WHRN: variants seen among roughly 807,000 people sequenced by gnomAD.
WHRN encodes the protein whirlin.
WHRN carries 41 observed loss-of-function variants against 68.3 expected under a neutral mutation model. The observed-to-expected ratio is 0.60, with a 90% CI of 0.47 to 0.78. The LOEUF (loss-of-function observed/expected upper bound fraction) is 0.78, where lower values mean the gene tolerates loss of function less well. WHRN is among the 30% of genes least tolerant of loss of function. The pLI, the probability that WHRN is intolerant of heterozygous loss-of-function variation, is 0.00. For synonymous variants in WHRN, 560 were observed against 561.3 expected, an observed-to-expected ratio of 1.00 and a Z score of 0.03; for missense variants, 1,243 against 1,244.7, an observed-to-expected ratio of 1.00 and a Z score of 0.02.
intron 1 of WHRN, chr9:114,503,118 C>G (rs1202779620): frequency 1.0e-6 from 1 of 985,392 alleles, no homozygotes; most frequent in Non-Finnish European, 1.2e-6. Context: ...TGGACACAGG[C>G]CACTGAACGG....
intron 1 of WHRN, among the ~76,000 whole-genome samples, chr9:114,490,251 T>A (rs1179980440): frequency 6.6e-6 from 1 of 152,146 alleles, no homozygotes; most frequent in East Asian, 1.9e-4. Flanking sequence ...TTAAACGCAA[T>A]GACAACATAC....
intron 3 of WHRN, 150 bp downstream of exon 3, chr9:114,466,117 G>C: frequency 8.0e-7 from 1 of 1,251,354 alleles, no homozygotes; most frequent in Non-Finnish European, 1.1e-6. Context: ...GCTGTGAGCT[G>C]TGAATTTAGA....
At chr9:114,466,242 T>C (rs547844373) in intron 3 of WHRN, 25 bp downstream of exon 3, 1 of 1,613,544 alleles carries the variant, frequency 6.2e-7, no homozygotes, top group East Asian at 2.2e-5. Context: ...GCACAGAGTT[T>C]TCCCTCCCTC....
chr9:114,457,914 CAAA>C (rs11292103), intron 3 of WHRN, among the ~76,000 whole-genome samples: 23 of 123,404 alleles, frequency 1.9e-4, no homozygotes, highest in South Asian at 2.6e-4. Flanking sequence ...AGACTCTGTT[CAAA>C]AAAAAAAAAA....
At chr9:114,472,229 T>G (rs7029712) in intron 2 of WHRN, among the ~76,000 whole-genome samples, 1 of 152,154 alleles carries the variant, frequency 6.6e-6, no homozygotes, top group East Asian at 1.9e-4. Flanking sequence ...GAACCTCATA[T>G]GCACCTGGTC....
intron 3 of WHRN, among the ~76,000 whole-genome samples, chr9:114,464,648 A>C (rs1427597220): frequency 6.6e-6 from 1 of 152,208 alleles, no homozygotes; most frequent in Non-Finnish European, 1.5e-5. Flanking sequence ...TGTTTACTAT[A>C]ATAATAAGAA....
intron 3 of WHRN, among the ~76,000 whole-genome samples, chr9:114,456,760 T>C (rs900585861): frequency 2.6e-4 from 39 of 147,368 alleles, no homozygotes; most frequent in African/African-American, 8.3e-4. Flanking sequence ...ACCCGGGAGG[T>C]GGAGGTTGCA....
At chr9:114,444,378 A>G (rs1564161274) in intron 3 of WHRN, among the ~76,000 whole-genome samples, 1 of 152,210 alleles carries the variant, frequency 6.6e-6, no homozygotes. Flanking sequence ...CAAATACTGC[A>G]TGGTATATCC....
intron 1 of WHRN, among the ~76,000 whole-genome samples, chr9:114,480,146 G>T (rs1429683981): frequency 6.6e-6 from 1 of 151,982 alleles, no homozygotes; most frequent in Non-Finnish European, 1.5e-5. Flanking sequence ...CATCTTTATT[G>T]TACATTTCCC....
At chr9:114,415,804 C>G (rs753284101) in intron 7 of WHRN, among the ~76,000 whole-genome samples, 1 of 152,196 alleles carries the variant, frequency 6.6e-6, no homozygotes, top group African/African-American at 2.4e-5. Flanking sequence ...TCTCTTACCC[C>G]GCTCATGGAT....
intron 3 of WHRN, among the ~76,000 whole-genome samples, chr9:114,434,666 C>T (rs898827152): frequency 3.9e-5 from 6 of 152,204 alleles, no homozygotes; most frequent in Non-Finnish European, 7.3e-5. Context: ...TAACTCCACT[C>T]GGATCCCAGC....
At chr9:114,425,455 A>G (rs1054298982) in intron 4 of WHRN, 1 of 431,308 alleles carries the variant, frequency 2.3e-6, no homozygotes, top group Non-Finnish European at 4.1e-6. Context: ...AGGCTGCCAG[A>G]CTTCCTGATT....
intron 1 of WHRN, among the ~76,000 whole-genome samples, chr9:114,488,546 A>C (rs1257187252): frequency 6.6e-6 from 1 of 152,060 alleles, no homozygotes; most frequent in Non-Finnish European, 1.5e-5. Context: ...CCCAAGACAG[A>C]CAGGGGAGGG....
chr9:114,462,232 A>G (rs1235577371), intron 3 of WHRN, among the ~76,000 whole-genome samples: 1 of 152,190 alleles, frequency 6.6e-6, no homozygotes, highest in Middle Eastern at 3.2e-3. Flanking sequence ...AGTCCCACAG[A>G]GCAGGGTGTT....
chr9:114,441,328 T>C (rs1177098944), intron 3 of WHRN, among the ~76,000 whole-genome samples: 4 of 152,202 alleles, frequency 2.6e-5, no homozygotes, highest in Non-Finnish European at 4.4e-5. Context: ...CTCTAAGCCC[T>C]GCATTGTTTA....
chr9:114,421,717 A>C (rs960476891), intron 7 of WHRN, among the ~76,000 whole-genome samples: 1 of 152,246 alleles, frequency 6.6e-6, no homozygotes, highest in Non-Finnish European at 1.5e-5. Context: ...TGCACCCTTA[A>C]ACCAGATCCT....
At chr9:114,479,756 A>C (rs1457828895) in intron 1 of WHRN, among the ~76,000 whole-genome samples, 1 of 152,174 alleles carries the variant, frequency 6.6e-6, no homozygotes, top group Non-Finnish European at 1.5e-5. Context: ...GCCTGCCCAC[A>C]CAGTGAGTAA....
At chr9:114,466,170 C>T (rs1047151744) in intron 3 of WHRN, 97 bp downstream of exon 3, 7 of 1,586,184 alleles carry the variant, frequency 4.4e-6, no homozygotes, top group Non-Finnish European at 6.0e-6. Context: ...GACCAGTCCT[C>T]AAGGTGGAGT....
In WHRN at chr9:114,402,825, C is replaced by T. The variant is rs143464875; in HGVS notation, c.2653G>A (p.Ala885Thr). 79 of 1,613,974 alleles carry T rather than the reference C, an allele frequency of 4.9e-5. No homozygotes were observed. Among genetic ancestry groups the T allele is most frequent in the Non-Finnish European group, 6.0e-5 (71 of 1,180,048 alleles). The change falls in exon 12 of 12, where the codon GCC becomes ACC. Residue 885 changes from alanine (A) to threonine (T), a missense_variant. Coordinates refer to ENST00000362057, the MANE Select transcript of WHRN (RefSeq NM_015404.4). ...KEHREAARIIAEAFKTKDRDY... is the reference protein window; with the variant it reads ...KEHREAARIITEAFKTKDRDY... ...CGGTCCTTAGTCTTGAAGGCCTCGG[C>T]GATAATGCGGGCGGCCTCCCGGTGC...
Sources: gnomAD v4.1 joint callset for allele counts (sites outside exome capture counted in the v4.1 genomes callset) on GRCh38, gnomAD v4.1.1 for gene constraint, MANE v1.5 for transcripts, NCBI Gene and HGNC (gene_info 2026-07-23, HGNC 2026-07-21) for gene names.